Variants in UGGT2 observed in about 807,000 individuals in gnomAD.
UGGT2 encodes the protein UDP-glucose glycoprotein glucosyltransferase 2.
A neutral mutation model predicts 192.1 loss-of-function variants in UGGT2; 180 were observed. That is an observed-to-expected ratio of 0.94 (90% CI 0.83 to 1.06). The LOEUF is 1.06. UGGT2 is among the 50% of genes least tolerant of loss of function. The pLI is 0.00. For missense variants in UGGT2, 1,849 were observed against 1,795.7 expected, an observed-to-expected ratio of 1.03 and a Z score of -0.54; for synonymous variants, 580 against 591.0, an observed-to-expected ratio of 0.98 and a Z score of 0.27.
chr13:95,833,972 C>T (rs976114607), intron 37 of UGGT2, among the ~76,000 whole-genome samples: 1 of 152,090 alleles, frequency 6.6e-6, no homozygotes, highest in Non-Finnish European at 1.5e-5. Context: ...AGTCATGAGC[C>T]GTGAGCCTGT....
chr13:96,018,323 C>A (rs1749654475), intron 4 of UGGT2, among the ~76,000 whole-genome samples: 1 of 152,038 alleles, frequency 6.6e-6, no homozygotes, highest in African/African-American at 2.4e-5. Flanking sequence ...CGAGTCCAGC[C>A]TGGGCAACAT....
chr13:95,853,708 G>A, intron 35 of UGGT2, 51 bp from the exon 36 acceptor site: 1 of 1,320,236 alleles, frequency 7.6e-7, no homozygotes, highest in East Asian at 2.5e-5. Context: ...TGTAGTTTTA[G>A]TTTTACTTTC....
intron 38 of UGGT2, among the ~76,000 whole-genome samples, chr13:95,825,544 T>G (rs1051230932): frequency 6.6e-6 from 1 of 152,160 alleles, no homozygotes; most frequent in Admixed American, 6.6e-5. Flanking sequence ...CTGCCTCTTG[T>G]GCAAGCCTGA....
intron 20 of UGGT2, among the ~76,000 whole-genome samples, chr13:95,911,513 C>T (rs2048496964): frequency 6.6e-6 from 1 of 152,098 alleles, no homozygotes; most frequent in South Asian, 2.1e-4. Flanking sequence ...TGGACACATA[C>T]ACCCTCCCAA....
Position 95,849,731 on chromosome 13 carries a change from T to C in UGGT2, c.4284+3812A>G, listed in dbSNP as rs190456921. On this transcript the variant is annotated intron_variant, in intron 36 of 38. Transcript: ENST00000376747. ...GGGGTACATGTACAAGTTTGCTACATAGGTAAATTGAATGTCATGGGGGTT... is the reference window on the plus strand; with the variant it reads ...GGGGTACATGTACAAGTTTGCTACACAGGTAAATTGAATGTCATGGGGGTT... Among the ~76,000 whole-genome samples, 749 of 151,912 alleles carry C rather than the reference T, an allele frequency of 4.9e-3. 8 individuals are homozygous for C. Among genetic ancestry groups the C allele is most frequent in the African/African-American group, 0.017 (705 of 41,508 alleles).
At chr13:96,049,560 G>T (rs956296994) in intron 1 of UGGT2, among the ~76,000 whole-genome samples, 3 of 152,262 alleles carry the variant, frequency 2.0e-5, no homozygotes, top group Admixed American at 6.5e-5. Flanking sequence ...CAGATGATAT[G>T]ATTGTATATT....
chr13:95,947,906 T>C, intron 14 of UGGT2, 90 bp downstream of exon 14: 1 of 1,056,212 alleles, frequency 9.5e-7, no homozygotes. Flanking sequence ...ACCATCGCTT[T>C]GAATGCCCTA....
At chr13:95,999,544 AT>A (rs2051732566) in intron 5 of UGGT2, among the ~76,000 whole-genome samples, 1 of 152,164 alleles carries the variant, frequency 6.6e-6, no homozygotes, top group African/African-American at 2.4e-5. Flanking sequence ...TTACTTTTTA[AT>A]TTTTACAATT....
rs1381608492 is a variant in UGGT2, at chr13:95,969,515, T to C, written c.1335+597A>G. On this transcript the variant is annotated intron_variant, in intron 12 of 38. Transcript: ENST00000376747. The stretch of plus-strand genomic sequence containing the variant: ...TTTCAACCTAACTTTGAAAAAGGAA[T>C]AGGAGTTAACTGGATAGAGAAAAAA... Among the ~76,000 whole-genome samples the C allele has an allele frequency of 3.3e-5, 5 of 152,046 alleles. No homozygotes were observed. In the East Asian group the frequency reaches 9.6e-4, roughly 29 times the overall value.
intron 1 of UGGT2, among the ~76,000 whole-genome samples, chr13:96,050,276 T>C (rs1268228585): frequency 1.3e-5 from 2 of 152,200 alleles, no homozygotes; most frequent in Non-Finnish European, 2.9e-5. Flanking sequence ...TGGCTAGCCA[T>C]ATGTAGAAAG....
At chr13:96,020,966 T>A (rs997351012) in intron 4 of UGGT2, among the ~76,000 whole-genome samples, 4 of 152,236 alleles carry the variant, frequency 2.6e-5, no homozygotes, top group African/African-American at 9.6e-5. Flanking sequence ...GTATAAGCGT[T>A]ACTATGCTTG....
In UGGT2 at chr13:95,983,804, C is replaced by G; in HGVS notation, c.1092G>C (p.Lys364Asn). Residue 364 changes from lysine (K) to asparagine (N), a missense_variant and splice_region_variant, in exon 10 of 39, where the codon AAG (lysine) becomes AAC (asparagine). Coordinates refer to ENST00000376747, the MANE Select transcript of UGGT2 (RefSeq NM_020121.4). Reference sequence around the variant, plus strand: ...TTTTAAAAAAGGAATTCAAACAAACCTTTTGATTTTCCTTTATTTCTTCTC... The same window carrying G: ...TTTTAAAAAAGGAATTCAAACAAACGTTTTGATTTTCCTTTATTTCTTCTC... ...HMREEIKENQKDLQVRFKIQP... is the reference protein window; with the variant it reads ...HMREEIKENQNDLQVRFKIQP... The G allele has an allele frequency of 6.4e-7, 1 of 1,555,462 alleles. No individual in the cohort carries two copies. Among genetic ancestry groups the G allele is most frequent in the Non-Finnish European group, 8.7e-7 (1 of 1,148,724 alleles).
chr13:95,925,717 G>A lies in UGGT2; in HGVS notation c.2258C>T (p.Ser753Phe). 3 of 1,581,272 alleles carry A rather than the reference G, an allele frequency of 1.9e-6. No homozygotes were observed. Among genetic ancestry groups the A allele is most frequent in the Non-Finnish European group, 2.6e-6 (3 of 1,160,714 alleles). ...TGCATTAAAAAGAAGTTTTCTCCCA[G>A]AAGGCTTATCAAAATCTGCAATAAT... ...LWIIADFDKP[S>F]GRKLLFNALK... The change falls in exon 20 of 39, where the codon TCT becomes TTT. Residue 753 changes from serine (S) to phenylalanine (F), a missense_variant. Physicochemically the swap from Ser to Phe is radical, Grantham distance 155. Transcript: ENST00000376747.
At chr13:96,045,496 C>G (rs1359205768) in intron 1 of UGGT2, among the ~76,000 whole-genome samples, 1 of 152,080 alleles carries the variant, frequency 6.6e-6, no homozygotes, top group Non-Finnish European at 1.5e-5. Context: ...AACAATCAGA[C>G]AAGAGAAAGA....
intron 29 of UGGT2, chr13:95,876,784 T>C (rs1349953060): frequency 2.6e-5 from 4 of 152,408 alleles, no homozygotes; most frequent in African/African-American, 7.2e-5. Context: ...GTGGAGTGGA[T>C]AGTTGTTCAA....
At chr13:95,970,967 CA>C (rs1190765205) in intron 11 of UGGT2, among the ~76,000 whole-genome samples, 1 of 152,142 alleles carries the variant, frequency 6.6e-6, no homozygotes, top group African/African-American at 2.4e-5. Context: ...CCTTTCTCCC[CA>C]GTCAAAGTCA....
At chr13:95,908,447 T>C (rs906779095) in intron 20 of UGGT2, among the ~76,000 whole-genome samples, 3 of 151,786 alleles carry the variant, frequency 2.0e-5, no homozygotes, top group Non-Finnish European at 4.4e-5. Flanking sequence ...CACATAATCG[T>C]GAGATTCACC....
At chr13:95,907,998 A>G (rs2048347777) in intron 20 of UGGT2, among the ~76,000 whole-genome samples, 1 of 152,198 alleles carries the variant, frequency 6.6e-6, no homozygotes, top group East Asian at 1.9e-4. Context: ...CTAAAAACCT[A>G]GAAAAAAGAT....
intron 31 of UGGT2, among the ~76,000 whole-genome samples, chr13:95,863,132 G>C (rs1220665412): frequency 6.6e-6 from 1 of 152,148 alleles, no homozygotes. Flanking sequence ...CAAAGTGCTA[G>C]GATTACAGGT....
Sources: gnomAD v4.1 joint callset for allele counts (sites outside exome capture counted in the v4.1 genomes callset) on GRCh38, gnomAD v4.1.1 for gene constraint, MANE v1.5 for transcripts, NCBI Gene and HGNC (gene_info 2026-07-23, HGNC 2026-07-21) for gene names.